Variants in LPAR1 observed in about 807,000 individuals in gnomAD.
LPAR1 encodes the protein LPA receptor 1.
Under a neutral mutation model 23.8 loss-of-function variants are expected in LPAR1, and 5 were observed. The observed-to-expected ratio is 0.21, with a 90% CI of 0.11 to 0.44. LPAR1 has a LOEUF of 0.44. LPAR1 is among the 20% of genes least tolerant of loss of function. The pLI, the probability that LPAR1 is intolerant of heterozygous loss-of-function variation, is 0.99. For missense variants in LPAR1, 311 were observed against 482.8 expected (o/e 0.64, Z 3.33); for synonymous variants, 160 against 164.7 (o/e 0.97, Z 0.22).
chr9:110,992,103 A>G (rs893373397), intron 2 of LPAR1, among the ~76,000 whole-genome samples: 6 of 152,194 alleles, frequency 3.9e-5, no homozygotes, highest in African/African-American at 1.4e-4. Flanking sequence ...TGTTAAATAA[A>G]TTAAATGGCA....
chr9:111,006,016 T>C (rs2097212480), intron 2 of LPAR1, among the ~76,000 whole-genome samples: 1 of 152,114 alleles, frequency 6.6e-6, no homozygotes, highest in South Asian at 2.1e-4. Flanking sequence ...ACTATAATTA[T>C]TTTTTTATCC....
Position 110,875,331 on chromosome 9 carries a change from CT to C in LPAR1, c.*89del, listed in dbSNP as rs2078820457. 1 of 1,177,768 alleles carries C rather than the reference CT, an allele frequency of 8.5e-7. No homozygotes were observed. The highest frequency in any genetic ancestry group is 1.2e-6 in the Non-Finnish European group (1 of 849,954). 73.0% of individuals were successfully genotyped at this position (1,177,768 alleles called of 1,614,324 possible). A position where few individuals can be genotyped will look rare whatever the true frequency, so the allele number is the denominator to read the frequency against. On this transcript the variant is annotated 3_prime_UTR_variant, in exon 6 of 6. Transcript: ENST00000683809. ...GTACATGAGTTGACTTTTCTCCTCTCTCACACCCCACCTTGCCCTGGCAATT... is the reference window on the plus strand; with the variant it reads ...GTACATGAGTTGACTTTTCTCCTCTCCACACCCCACCTTGCCCTGGCAATT...
chr9:110,964,036 T>G (rs1156240244), intron 4 of LPAR1, among the ~76,000 whole-genome samples: 2 of 152,240 alleles, frequency 1.3e-5, no homozygotes, highest in South Asian at 2.1e-4. Flanking sequence ...AAGAAAGCAC[T>G]GTCAAGATAA....
chr9:111,007,211 T>C (rs2097237058), intron 2 of LPAR1, among the ~76,000 whole-genome samples: 1 of 152,278 alleles, frequency 6.6e-6, no homozygotes, highest in South Asian at 2.1e-4. Context: ...GCCCGCAGAA[T>C]TGTGAGCCAA....
At chr9:110,919,744 T>C (rs1405823660) in intron 5 of LPAR1, among the ~76,000 whole-genome samples, 2 of 152,160 alleles carry the variant, frequency 1.3e-5, no homozygotes, top group Non-Finnish European at 2.9e-5. Context: ...AACCATCACA[T>C]GACACCACTG....
intron 2 of LPAR1, among the ~76,000 whole-genome samples, chr9:110,996,080 C>T (rs1411371115): frequency 6.6e-6 from 1 of 152,010 alleles, no homozygotes; most frequent in Non-Finnish European, 1.5e-5. Context: ...GCTGTGAGGC[C>T]CCACTTGAAA....
chr9:110,879,674 G>C (rs2080186346), intron 5 of LPAR1, among the ~76,000 whole-genome samples: 1 of 152,192 alleles, frequency 6.6e-6, no homozygotes, highest in Non-Finnish European at 1.5e-5. Flanking sequence ...TTACTGGTCA[G>C]ATTTTCATTT....
At chr9:110,942,256 C>T (rs1198398422) in intron 4 of LPAR1, 88 bp from the exon 5 acceptor site, 1 of 1,144,382 alleles carries the variant, frequency 8.7e-7, no homozygotes, top group Non-Finnish European at 1.2e-6. Flanking sequence ...TTTTATAGTA[C>T]ATGCAACAGA....
At chr9:110,981,167 T>C (rs910142603) in intron 2 of LPAR1, among the ~76,000 whole-genome samples, 1 of 152,156 alleles carries the variant, frequency 6.6e-6, no homozygotes, top group Non-Finnish European at 1.5e-5. Flanking sequence ...GATTTTCTTA[T>C]AACTTTTAAC....
At chr9:110,888,804 A>T (rs2083172633) in intron 5 of LPAR1, among the ~76,000 whole-genome samples, 3 of 152,188 alleles carry the variant, frequency 2.0e-5, no homozygotes, top group Admixed American at 2.0e-4. Flanking sequence ...TTGACCATAC[A>T]GCTGATATGT....
At chr9:111,030,645 C>T (rs1270383835) in intron 2 of LPAR1, among the ~76,000 whole-genome samples, 1 of 152,164 alleles carries the variant, frequency 6.6e-6, no homozygotes, top group Non-Finnish European at 1.5e-5. Flanking sequence ...GAAGCAGGGT[C>T]CTTGTGGCAA....
chr9:111,022,567 TACTC>T (rs1025614454), intron 2 of LPAR1, among the ~76,000 whole-genome samples: 3 of 152,162 alleles, frequency 2.0e-5, no homozygotes, highest in African/African-American at 4.8e-5. Context: ...AGCAATGAAA[TACTC>T]ACCCAACCAT....
At chr9:110,895,885 C>A (rs186340961) in intron 5 of LPAR1, among the ~76,000 whole-genome samples, 9 of 152,166 alleles carry the variant, frequency 5.9e-5, no homozygotes, top group Non-Finnish European at 8.8e-5. Context: ...GTTGGCCCCA[C>A]GTGAAGAATG....
At chr9:110,876,866 G>A (rs1278634621) in intron 5 of LPAR1, among the ~76,000 whole-genome samples, 1 of 152,144 alleles carries the variant, frequency 6.6e-6, no homozygotes, top group Non-Finnish European at 1.5e-5. Flanking sequence ...GGAAAATGGA[G>A]GTTGTAAAAT....
At chr9:110,956,382 TATA>T (rs199743157) in intron 4 of LPAR1, among the ~76,000 whole-genome samples, 32,569 of 151,422 alleles carry the variant, frequency 0.22, 4,281 homozygotes, top group Admixed American at 0.29. Flanking sequence ...GAACTTAAAG[TATA>T]ATAATAATAA....
chr9:110,887,553 T>C (rs1439691759), intron 5 of LPAR1, among the ~76,000 whole-genome samples: 1 of 152,148 alleles, frequency 6.6e-6, no homozygotes, highest in Non-Finnish European at 1.5e-5. Flanking sequence ...GTGTCTAAGA[T>C]ATCTCTCTTT....
At chr9:111,019,360 T>C (rs1440641848) in intron 2 of LPAR1, among the ~76,000 whole-genome samples, 1 of 152,112 alleles carries the variant, frequency 6.6e-6, no homozygotes, top group Non-Finnish European at 1.5e-5. Context: ...TAAAAACAAT[T>C]GGTTTTAAAT....
intron 4 of LPAR1, among the ~76,000 whole-genome samples, chr9:110,948,038 C>T (rs2095445703): frequency 1.3e-5 from 2 of 152,146 alleles, no homozygotes; most frequent in African/African-American, 4.8e-5. Flanking sequence ...TTCTCATTTT[C>T]AACTAGCTAA....
At chr9:110,939,961 A>C (rs1415886551) in intron 5 of LPAR1, among the ~76,000 whole-genome samples, 1 of 152,238 alleles carries the variant, frequency 6.6e-6, no homozygotes, top group Non-Finnish European at 1.5e-5. Flanking sequence ...ATCCATGGTA[A>C]ACAAAGATGT....
Sources: allele counts gnomAD v4.1 joint callset (sites outside exome capture counted in the v4.1 genomes callset), GRCh38; gene constraint gnomAD v4.1.1; transcripts MANE v1.5; gene names NCBI Gene and HGNC (gene_info 2026-07-23, HGNC 2026-07-21).